The following IRAK3 variants were observed in gnomAD, a reference collection of about 807,000 sequenced individuals.
The protein encoded by IRAK3 is interleukin-1 receptor-associated kinase 3.
In IRAK3, 57 loss-of-function variants were observed where a neutral mutation model predicts 56.6. The ratio of observed to expected loss-of-function variants is 1.01; its 90% confidence interval spans 0.81 to 1.26. The LOEUF (loss-of-function observed/expected upper bound fraction) is 1.26. IRAK3 is among the 50% of genes most tolerant of loss of function. IRAK3 has a pLI of 0.00. For synonymous variants in IRAK3, 258 were observed against 255.7 expected (o/e 1.01, Z -0.09); for missense variants, 703 against 719.0 (o/e 0.98, Z 0.25).
chr12:66,213,971 G>C (rs1405895081), intron 5 of IRAK3, among the ~76,000 whole-genome samples: 1 of 152,078 alleles, frequency 6.6e-6, no homozygotes, highest in Admixed American at 6.6e-5. Flanking sequence ...TTACATTCCT[G>C]GTGGAACAAA....
At chr12:66,189,909 A>G (rs2052383523) in intron 1 of IRAK3, among the ~76,000 whole-genome samples, 1 of 152,242 alleles carries the variant, frequency 6.6e-6, no homozygotes, top group African/African-American at 2.4e-5. Flanking sequence ...ACGGTTTGCA[A>G]TGAACGCGGC....
At chr12:66,229,670 A>T (rs1387513061) in intron 8 of IRAK3, among the ~76,000 whole-genome samples, 1 of 152,160 alleles carries the variant, frequency 6.6e-6, no homozygotes, top group African/African-American at 2.4e-5. Context: ...ATGCACACTC[A>T]TGGGACCTGA....
At chr12:66,208,953 G>C (rs1463270735) in intron 2 of IRAK3, among the ~76,000 whole-genome samples, 1 of 151,262 alleles carries the variant, frequency 6.6e-6, no homozygotes, top group Non-Finnish European at 1.5e-5. Flanking sequence ...TGTAATCCTG[G>C]CTACTTGGGA....
chr12:66,195,682 G>A (rs750645885), intron 1 of IRAK3, among the ~76,000 whole-genome samples: 7 of 151,654 alleles, frequency 4.6e-5, no homozygotes, highest in Non-Finnish European at 7.4e-5. Context: ...TTTTTAAGAC[G>A]GAGTTTCGCT....
chr12:66,215,795 C>T (rs1456792453), intron 5 of IRAK3, among the ~76,000 whole-genome samples: 5 of 145,512 alleles, frequency 3.4e-5, no homozygotes, highest in African/African-American at 1.3e-4. Context: ...TGCACACACA[C>T]ACACACACAC....
intron 5 of IRAK3, 128 bp downstream of exon 5, chr12:66,211,725 G>T (rs1021882295): frequency 1.3e-6 from 1 of 787,458 alleles, no homozygotes. Flanking sequence ...GTGGAAATAA[G>T]AGATATGATT....
intron 1 of IRAK3, among the ~76,000 whole-genome samples, chr12:66,198,478 G>A (rs753286112): frequency 2.0e-5 from 3 of 152,098 alleles, no homozygotes; most frequent in South Asian, 2.1e-4. Flanking sequence ...CCCACGACAC[G>A]ACACTTCTAT....
At position 66,249,080 on chromosome 12, in the gene IRAK3, C is replaced by T. The variant is rs2053067157; in HGVS notation, c.*909C>T. ...CCTAATCTCTACAACCAGAAGTACT[C>T]CCTTTATCAGTATTTCCACAGCAAT... On this transcript the variant is annotated 3_prime_UTR_variant, in exon 12 of 12. Coordinates refer to ENST00000261233, the MANE Select transcript of IRAK3 (RefSeq NM_007199.3). 1 of 152,180 alleles carries T rather than the reference C, an allele frequency of 6.6e-6. No individual in the cohort carries two copies. 9.4% of individuals were successfully genotyped at this position (152,180 alleles called of 1,614,324 possible).
intron 1 of IRAK3, 98 bp from the exon 2 acceptor site, chr12:66,203,613 G>A (rs994199856): frequency 1.2e-5 from 13 of 1,103,210 alleles, no homozygotes; most frequent in African/African-American, 1.6e-5. Context: ...GAAAGTTAAA[G>A]TTATAAATAA....
In IRAK3 at chr12:66,245,105, T is replaced by A; in HGVS notation, c.1157T>A (p.Leu386His). Residue 386 changes from leucine to histidine, a missense_variant, in exon 11 of 12, where the codon CTC becomes CAC. Leu to His is a moderately conservative substitution (Grantham distance 99). Transcript: ENST00000261233. ...GTCTCCCTCTCTTCCAAGCGGGATC[T>A]CCTTAGAGAATTGATGGAGAAGAGA... Reference protein sequence around the residue: ...DDPKHIQLRDLLRELMEKRGL... With the variant: ...DDPKHIQLRDHLRELMEKRGL... The A allele has an allele frequency of 6.2e-7, 1 of 1,614,154 alleles. No homozygotes were observed. The highest frequency in any genetic ancestry group is 8.5e-7 in the Non-Finnish European group (1 of 1,180,014).
chr12:66,228,260 G>A lies in IRAK3; in HGVS notation c.777G>A (p.Thr259=), dbSNP rs150855847. The A allele has an allele frequency of 3.0e-4, 478 of 1,613,308 alleles. 2 individuals carry two copies. The African/African-American group carries it at 5.1e-3, about 17-fold the overall frequency. Residue 259 remains threonine (T), a synonymous_variant, in exon 8 of 12, where the codon ACG becomes ACA. Coordinates refer to ENST00000261233, the MANE Select transcript of IRAK3 (RefSeq NM_007199.3). ...LFDRLQCVGD[T]APLPWHIRIG... ...TGCTGTTGTTGTTTTAGGGTGACAC[G>A]GCCCCACTCCCTTGGCACATTCGAA...
At position 66,208,305 on chromosome 12, in the gene IRAK3, GGTAA is replaced by G. The variant is rs1324653990; in HGVS notation, c.317-1147_317-1144del. The stretch of plus-strand genomic sequence containing the variant: ...AGAAGTTATAGTCGACATTTGGGGT[GGTAA>G]GTATTTGTCATTGATACACACACAC... On this transcript the variant is annotated intron_variant, in intron 2 of 11. Coordinates refer to ENST00000261233, the MANE Select transcript of IRAK3 (RefSeq NM_007199.3). Among the ~76,000 whole-genome samples, 4 of 149,696 alleles carry G rather than the reference GGTAA, an allele frequency of 2.7e-5. No homozygotes were observed. In the South Asian group the frequency reaches 6.3e-4, roughly 24 times the overall value.
At chr12:66,230,415 A>G (rs2052832309) in intron 8 of IRAK3, among the ~76,000 whole-genome samples, 1 of 152,178 alleles carries the variant, frequency 6.6e-6, no homozygotes. Context: ...TAGAGGCCTC[A>G]GTCCATGCCA....
intron 11 of IRAK3, among the ~76,000 whole-genome samples, chr12:66,246,396 T>C (rs2053033518): frequency 1.3e-5 from 2 of 152,192 alleles, no homozygotes; most frequent in Non-Finnish European, 2.9e-5. Context: ...TTCTAGGAGT[T>C]TGGATTTTAT....
chr12:66,213,122 C>A (rs1230250297), intron 5 of IRAK3, among the ~76,000 whole-genome samples: 1 of 152,048 alleles, frequency 6.6e-6, no homozygotes, highest in Non-Finnish European at 1.5e-5. Flanking sequence ...GGGGAGGCCT[C>A]AGTATCATGG....
intron 1 of IRAK3, among the ~76,000 whole-genome samples, chr12:66,194,308 C>G (rs1186037590): frequency 6.6e-6 from 1 of 152,150 alleles, no homozygotes; most frequent in Non-Finnish European, 1.5e-5. Context: ...CTGCTCTGTT[C>G]CTCTTTGTGG....
At chr12:66,247,274 AAAAACAAAACAAACAAAC>A (rs1331116401) in intron 11 of IRAK3, among the ~76,000 whole-genome samples, 3 of 150,880 alleles carry the variant, frequency 2.0e-5, no homozygotes, top group African/African-American at 7.5e-5. Context: ...CATCTCAAAA[AAAAACAAAACAAACAAAC>A]AAACAAAACA....
rs1050549268 is a variant in IRAK3 at position 66,210,316 on chromosome 12, T to C, written c.436+115T>C. On this transcript the variant is annotated intron_variant, in intron 4 of 11. Transcript: ENST00000261233. ...AATAATCATTTATATTCAAATTCGG[T>C]ATAAAATTTCATAGATATTAAAATA... The C allele has an allele frequency of 2.8e-5, 19 of 673,240 alleles. No homozygotes were observed. In the Admixed American group the frequency reaches 3.6e-4, roughly 13 times the overall value. The allele number at this position is 673,240 out of a possible 1,614,324, so 41.7% of individuals were successfully genotyped here. A position where few individuals can be genotyped will look rare whatever the true frequency, so the allele number is the denominator to read the frequency against.
intron 4 of IRAK3, among the ~76,000 whole-genome samples, 173 bp from the exon 5 acceptor site, chr12:66,211,273 A>G (rs1157236216): frequency 1.3e-5 from 2 of 152,302 alleles, no homozygotes; most frequent in Non-Finnish European, 2.9e-5. Context: ...AATGGTGGGA[A>G]CTAGATCCAA....
Sources: gnomAD v4.1 joint callset for allele counts (sites outside exome capture counted in the v4.1 genomes callset) on GRCh38, gnomAD v4.1.1 for gene constraint, MANE v1.5 for transcripts, NCBI Gene and HGNC (gene_info 2026-07-23, HGNC 2026-07-21) for gene names.